Variants in NOS1AP observed in about 807,000 individuals in gnomAD.
NOS1AP encodes nitric oxide synthase 1 adaptor protein.
NOS1AP carries 21 observed loss-of-function variants against 56.2 expected under a neutral mutation model. That is an observed-to-expected ratio of 0.37 (90% confidence interval 0.26 to 0.54). NOS1AP has a LOEUF of 0.54. Among genes scored for constraint, NOS1AP ranks in the 20% least tolerant of loss-of-function variants. The pLI, the probability that NOS1AP is intolerant of heterozygous loss-of-function variation, is 0.84. For missense variants in NOS1AP, 522 were observed against 657.8 expected (o/e 0.79, Z 2.26); for synonymous variants, 270 against 274.6 (o/e 0.98, Z 0.17).
At chr1:162,098,050 C>T (rs750398224) in intron 1 of NOS1AP, among the ~76,000 whole-genome samples, 2 of 145,804 alleles carry the variant, frequency 1.4e-5, no homozygotes, top group African/African-American at 2.5e-5. Flanking sequence ...TTTAGGTCTT[C>T]ATTAATGAAT....
intron 4 of NOS1AP, among the ~76,000 whole-genome samples, chr1:162,332,123 C>G (rs1656789807): frequency 6.6e-6 from 1 of 152,190 alleles, no homozygotes; most frequent in Admixed American, 6.5e-5. Context: ...CGTTGAGCCT[C>G]CCTGGGTGTT....
intron 3 of NOS1AP, among the ~76,000 whole-genome samples, chr1:162,297,935 A>G (rs1408291457): frequency 6.6e-6 from 1 of 152,198 alleles, no homozygotes; most frequent in Non-Finnish European, 1.5e-5. Flanking sequence ...TTCACCTCAT[A>G]TATCCCAGAT....
intron 4 of NOS1AP, among the ~76,000 whole-genome samples, chr1:162,318,980 C>T (rs542800421): frequency 2.0e-5 from 3 of 152,292 alleles, no homozygotes; most frequent in South Asian, 2.1e-4. Context: ...TGTCCACCTG[C>T]TCTCCCCATG....
At chr1:162,235,898 T>A (rs1653274830) in intron 2 of NOS1AP, among the ~76,000 whole-genome samples, 1 of 152,200 alleles carries the variant, frequency 6.6e-6, no homozygotes, top group African/African-American at 2.4e-5. Flanking sequence ...CAAAGAAATA[T>A]AGAATCTGAG....
chr1:162,206,718 G>C (rs1021893134), intron 2 of NOS1AP, among the ~76,000 whole-genome samples: 1 of 152,128 alleles, frequency 6.6e-6, no homozygotes, highest in Non-Finnish European at 1.5e-5. Context: ...ATTGCAAAGG[G>C]GCCATGCAGT....
intron 2 of NOS1AP, among the ~76,000 whole-genome samples, chr1:162,257,654 A>G (rs548889979): frequency 2.0e-5 from 3 of 151,994 alleles, no homozygotes; most frequent in South Asian, 4.2e-4. Flanking sequence ...ATCTCAAAAA[A>G]AAAAAAGAAA....
chr1:162,322,546 A>C (rs1353805772), intron 4 of NOS1AP, among the ~76,000 whole-genome samples: 1 of 152,204 alleles, frequency 6.6e-6, no homozygotes, highest in African/African-American at 2.4e-5. Context: ...CAGACGCTCA[A>C]GTGGGAACTC....
chr1:162,215,784 C>T (rs537912516), intron 2 of NOS1AP, among the ~76,000 whole-genome samples: 6 of 152,170 alleles, frequency 3.9e-5, no homozygotes, highest in Non-Finnish European at 7.3e-5. Context: ...GTGATGATGT[C>T]GAATTCTATA....
At chr1:162,289,178 T>A (rs1051497004) in intron 3 of NOS1AP, among the ~76,000 whole-genome samples, 1 of 149,582 alleles carries the variant, frequency 6.7e-6, no homozygotes, top group Non-Finnish European at 1.5e-5. Context: ...CTGACATATC[T>A]TTGTTTGCCT....
chr1:162,342,147 C>T (rs1440731169), intron 5 of NOS1AP, among the ~76,000 whole-genome samples: 1 of 152,178 alleles, frequency 6.6e-6, no homozygotes, highest in Non-Finnish European at 1.5e-5. Context: ...TGATGGTGGA[C>T]CCCACAGAAG....
At chr1:162,232,279 A>G (rs1369767828) in intron 2 of NOS1AP, among the ~76,000 whole-genome samples, 3 of 152,182 alleles carry the variant, frequency 2.0e-5, no homozygotes, top group Non-Finnish European at 4.4e-5. Flanking sequence ...CTCTGAATTT[A>G]TGGGACAAGG....
At chr1:162,275,912 A>G (rs562431646) in intron 2 of NOS1AP, among the ~76,000 whole-genome samples, 68 of 152,284 alleles carry the variant, frequency 4.5e-4, no homozygotes, top group Non-Finnish European at 9.0e-4. Context: ...AACTCAAATG[A>G]GGTAAGGCAG....
chr1:162,270,332 T>G (rs1654545293), intron 2 of NOS1AP, among the ~76,000 whole-genome samples: 1 of 152,168 alleles, frequency 6.6e-6, no homozygotes, highest in Non-Finnish European at 1.5e-5. Context: ...TAATAGATGC[T>G]AAAGAGGATA....
At chr1:162,072,608 A>G (rs1691683147) in intron 1 of NOS1AP, among the ~76,000 whole-genome samples, 1 of 152,152 alleles carries the variant, frequency 6.6e-6, no homozygotes, top group Admixed American at 6.5e-5. Context: ...CGGTAAGGGG[A>G]GTGGTGGAAC....
At chr1:162,255,883 G>T (rs773889817) in intron 2 of NOS1AP, among the ~76,000 whole-genome samples, 1 of 152,192 alleles carries the variant, frequency 6.6e-6, no homozygotes, top group Admixed American at 6.5e-5. Flanking sequence ...GGTGGCTTAC[G>T]CCTGTAATCC....
At chr1:162,172,929 G>T (rs186260101) in intron 2 of NOS1AP, among the ~76,000 whole-genome samples, 4 of 149,510 alleles carry the variant, frequency 2.7e-5, no homozygotes, top group Non-Finnish European at 5.9e-5. Context: ...TCAATAGGAG[G>T]TTTTTTTTTT....
chr1:162,152,756 G>A (rs1649770815), intron 1 of NOS1AP, among the ~76,000 whole-genome samples: 1 of 152,148 alleles, frequency 6.6e-6, no homozygotes, highest in Admixed American at 6.5e-5. Context: ...ATCCCTTTGT[G>A]GTATTTAGTT....
intron 2 of NOS1AP, among the ~76,000 whole-genome samples, chr1:162,181,247 A>G (rs1651246778): frequency 1.3e-5 from 2 of 152,246 alleles, no homozygotes. Context: ...GGATTTGAAT[A>G]TCTTTGAATA....
intron 4 of NOS1AP, among the ~76,000 whole-genome samples, chr1:162,311,014 C>G (rs1656008969): frequency 6.6e-6 from 1 of 152,200 alleles, no homozygotes; most frequent in East Asian, 1.9e-4. Flanking sequence ...CAGCTCTCTC[C>G]TTTCCTTTTT....
Sources: allele counts gnomAD v4.1 joint callset (sites outside exome capture counted in the v4.1 genomes callset), GRCh38; gene constraint gnomAD v4.1.1; transcripts MANE v1.5; gene names NCBI Gene and HGNC (gene_info 2026-07-23, HGNC 2026-07-21).